Variants in ZFP91 observed in about 807,000 individuals in gnomAD.
The protein encoded by ZFP91 is ZFP91 zinc finger protein, atypical E3 ubiquitin ligase.
ZFP91 carries 7 observed loss-of-function variants against 63.5 expected under a neutral mutation model. That is an observed-to-expected ratio of 0.11 (90% confidence interval 0.06 to 0.21). The LOEUF is 0.21. ZFP91 is among the 10% of genes least tolerant of loss of function. The pLI is 1.00. For missense variants in ZFP91, 628 were observed against 736.6 expected (o/e 0.85, Z 1.71); for synonymous variants, 330 against 272.1 (o/e 1.21, Z -2.10).
rs762342131 is a variant in ZFP91, at chr11:58,611,631, A to C, written c.750A>C (p.Ser250=). ...AAACCCCAAAGCCACGGAGAAAATC[A>C]GGGAAGGTAAAAGAAGAGAAGGAGA... ...ERETPKPRRK[S]GKVKEEKEKK... Residue 250 remains serine, a synonymous_variant, in exon 6 of 11, where the codon TCA becomes TCC. Coordinates refer to ENST00000316059, the MANE Select transcript of ZFP91 (RefSeq NM_053023.5). 1 of 1,612,892 alleles carries C rather than the reference A, an allele frequency of 6.2e-7. No homozygotes were observed. The highest frequency in any genetic ancestry group is 2.2e-5 in the East Asian group (1 of 44,802).
rs531970576 is a variant in ZFP91, at chr11:58,614,145, C to A, written c.988-84C>A. The A allele has an allele frequency of 1.3e-5, 10 of 790,574 alleles. No homozygotes were observed. In the East Asian group the frequency reaches 1.6e-4, roughly 12 times the overall value. The allele number at this position is 790,574 out of a possible 1,614,324, so 49.0% of individuals were successfully genotyped here. A position where few individuals can be genotyped will look rare whatever the true frequency, so the allele number is the denominator to read the frequency against. ...GAAATCTAAGTATTTGGTTTTCCTT[C>A]AGTACTTTTGACTTAGCAAAGACAA... On this transcript the variant is annotated intron_variant, in intron 8 of 10. Transcript: ENST00000316059.
At position 58,579,428 on chromosome 11, in the gene ZFP91, G is replaced by A. The variant is rs1281236824; in HGVS notation, c.147G>A (p.Val49=). ...AAPAGTTSSR[V]LRGGRDRGRA... is the part of the protein sequence containing the mutation. The stretch of plus-strand genomic sequence containing the variant: ...CTGCAGGGACCACTAGCAGCCGCGT[G>A]CTGAGGGGAGGTCGGGACCGAGGCC... The change falls in exon 1 of 11, where the codon GTG becomes GTA. Residue 49 remains valine, a synonymous_variant. Coordinates refer to ENST00000316059, the MANE Select transcript of ZFP91 (RefSeq NM_053023.5). 3 of 1,447,370 alleles carry A rather than the reference G, an allele frequency of 2.1e-6. No individual in the cohort carries two copies. The highest frequency in any genetic ancestry group is 3.0e-5 in the African/African-American group (2 of 66,554). 89.7% of individuals were successfully genotyped at this position (1,447,370 alleles called of 1,614,324 possible).
chr11:58,584,275 C>G (rs965302917), intron 1 of ZFP91, among the ~76,000 whole-genome samples: 1 of 152,000 alleles, frequency 6.6e-6, no homozygotes, highest in Admixed American at 6.5e-5. Flanking sequence ...CTTTTTAACA[C>G]TTCATTGAGT....
At chr11:58,592,934 C>T (rs1855332541) in intron 2 of ZFP91, among the ~76,000 whole-genome samples, 1 of 152,030 alleles carries the variant, frequency 6.6e-6, no homozygotes, top group African/African-American at 2.4e-5. Context: ...GGAGGTGGAG[C>T]AGGTGTGTCA....
intron 6 of ZFP91, 59 bp from the exon 7 acceptor site, chr11:58,612,219 C>T: frequency 6.4e-7 from 1 of 1,555,498 alleles, no homozygotes; most frequent in Non-Finnish European, 8.8e-7. Context: ...CTTCAGCCAG[C>T]CTTCACTGTG....
chr11:58,590,079 C>CT (rs1423049597), intron 2 of ZFP91, among the ~76,000 whole-genome samples: 1 of 152,126 alleles, frequency 6.6e-6, no homozygotes, highest in Non-Finnish European at 1.5e-5. Context: ...GCAGAATGCC[C>CT]TGATAGAAGA....
intron 2 of ZFP91, among the ~76,000 whole-genome samples, chr11:58,604,669 G>A (rs896935048): frequency 6.6e-6 from 1 of 152,168 alleles, no homozygotes; most frequent in African/African-American, 2.4e-5. Flanking sequence ...GTCTGAATGC[G>A]GCTCAGAACG....
chr11:58,586,209 CT>C (rs1160415732), intron 2 of ZFP91, among the ~76,000 whole-genome samples: 1 of 152,142 alleles, frequency 6.6e-6, no homozygotes, highest in Non-Finnish European at 1.5e-5. Context: ...AAGCAACCTG[CT>C]TTTGTCAGAG....
Position 58,579,226 on chromosome 11 carries a change from C to G in ZFP91, c.-56C>G. 7.4e-7 allele frequency: 1 copy of G among 1,346,106 alleles called. No individual in the cohort carries two copies. Among genetic ancestry groups the G allele is most frequent in the Non-Finnish European group, 9.5e-7 (1 of 1,049,994 alleles). 83.4% of individuals were successfully genotyped at this position (1,346,106 alleles called of 1,614,324 possible). On this transcript the variant is annotated 5_prime_UTR_variant, in exon 1 of 11. Coordinates refer to ENST00000316059, the MANE Select transcript of ZFP91 (RefSeq NM_053023.5). ...GGGGGCGGGGGGAGCAGCGCCGAGG[C>G]CGCCGCCTCCGCCTCCGCCGCCTAG...
chr11:58,609,210 A>G (rs979719894), intron 2 of ZFP91, among the ~76,000 whole-genome samples: 3 of 152,200 alleles, frequency 2.0e-5, no homozygotes, highest in African/African-American at 7.2e-5. Flanking sequence ...ACATGACAAA[A>G]TATAGGATAA....
At chr11:58,603,466 T>C (rs1855523219) in intron 2 of ZFP91, among the ~76,000 whole-genome samples, 1 of 152,178 alleles carries the variant, frequency 6.6e-6, no homozygotes, top group African/African-American at 2.4e-5. Context: ...ATGCAATTTT[T>C]CAGGAAAGAT....
intron 2 of ZFP91, among the ~76,000 whole-genome samples, chr11:58,585,454 G>C (rs1002664501): frequency 2.6e-5 from 4 of 152,138 alleles, no homozygotes; most frequent in African/African-American, 7.2e-5. Context: ...TTGCCCTAAC[G>C]TGTTGGACCA....
At chr11:58,602,722 T>C (rs1004287018) in intron 2 of ZFP91, among the ~76,000 whole-genome samples, 2 of 152,200 alleles carry the variant, frequency 1.3e-5, no homozygotes, top group African/African-American at 4.8e-5. Flanking sequence ...TAATTTGTTA[T>C]GGCAGCCCTA....
Position 58,579,635 on chromosome 11 carries a change from C to T in ZFP91, c.341+13C>T, listed in dbSNP as rs1485809947. ...GTCCGCGACTCCTGTGAGTAACAGTCTTTCAGGCGGTGGGAAAGACCCCCC... is the reference window on the plus strand; with the variant it reads ...GTCCGCGACTCCTGTGAGTAACAGTTTTTCAGGCGGTGGGAAAGACCCCCC... On this transcript the variant is annotated intron_variant, in intron 1 of 10. Coordinates refer to ENST00000316059, the MANE Select transcript of ZFP91 (RefSeq NM_053023.5). The T allele has an allele frequency of 1.9e-6, 3 of 1,542,280 alleles. No individual in the cohort carries two copies. Among genetic ancestry groups the T allele is most frequent in the Non-Finnish European group, 1.7e-6 (2 of 1,151,866 alleles).
intron 5 of ZFP91, 180 bp from the exon 6 acceptor site, chr11:58,611,423 AC>A (rs1340030640): frequency 1.3e-6 from 1 of 773,392 alleles, no homozygotes; most frequent in East Asian, 2.7e-5. Flanking sequence ...TCCATGAGCA[AC>A]ATATACATAT....
chr11:58,603,587 G>A (rs1311668291), intron 2 of ZFP91, among the ~76,000 whole-genome samples: 2 of 152,336 alleles, frequency 1.3e-5, no homozygotes, highest in East Asian at 3.9e-4. Flanking sequence ...GCCTGAATGG[G>A]ACAGAGACAG....
Position 58,621,366 on chromosome 11 carries a change from G to C in ZFP91, c.*3660G>C, listed in dbSNP as rs1162260122. Among the ~76,000 whole-genome samples, 1 of 152,118 alleles carries C rather than the reference G, an allele frequency of 6.6e-6. No individual in the cohort carries two copies. The highest frequency in any genetic ancestry group is 1.5e-5 in the Non-Finnish European group (1 of 68,014). On this transcript the variant is annotated 3_prime_UTR_variant, in exon 11 of 11. Coordinates refer to ENST00000316059, the MANE Select transcript of ZFP91 (RefSeq NM_053023.5). The stretch of plus-strand genomic sequence containing the variant: ...TTTACCCTGATAATGACAAAACCTT[G>C]ATAGCATTTAATATTAATACTTCTT...
intron 2 of ZFP91, among the ~76,000 whole-genome samples, chr11:58,603,029 A>C (rs1855516112): frequency 6.6e-6 from 1 of 152,208 alleles, no homozygotes. Context: ...AGAGATGGTC[A>C]ACAGAAATAT....
chr11:58,599,166 G>A (rs993330529), intron 2 of ZFP91, among the ~76,000 whole-genome samples: 8 of 149,356 alleles, frequency 5.4e-5, no homozygotes, highest in Admixed American at 2.0e-4. Context: ...AAAAATTTTC[G>A]TTGTATGTAT....
Sources: allele counts gnomAD v4.1 joint callset (sites outside exome capture counted in the v4.1 genomes callset), GRCh38; gene constraint gnomAD v4.1.1; transcripts MANE v1.5; gene names NCBI Gene and HGNC (gene_info 2026-07-23, HGNC 2026-07-21).